Variants in TAFA1 observed in about 807,000 individuals in gnomAD.
The protein encoded by TAFA1 is chemokine-like protein TAFA-1.
Under a neutral mutation model 18.5 loss-of-function variants are expected in TAFA1, and 4 were observed. The ratio of observed to expected loss-of-function variants is 0.22; its 90% CI spans 0.11 to 0.49. TAFA1 has a LOEUF of 0.49. TAFA1 is among the 20% of genes least tolerant of loss of function. The probability of loss-of-function intolerance (pLI) is 0.98; values close to 1 mark genes in which losing one functional copy is unlikely to be tolerated. For missense variants in TAFA1, 147 were observed against 169.0 expected, an observed-to-expected ratio of 0.87 and a Z score of 0.72; for synonymous variants, 56 against 55.2, an observed-to-expected ratio of 1.01 and a Z score of -0.06.
At chr3:68,079,292 T>C (rs1232644084) in intron 2 of TAFA1, among the ~76,000 whole-genome samples, 16 of 152,130 alleles carry the variant, frequency 1.1e-4, no homozygotes, top group Non-Finnish European at 4.4e-5. Context: ...TTTTGAAGGG[T>C]TTTTTGTGTC....
intron 2 of TAFA1, among the ~76,000 whole-genome samples, chr3:68,144,559 A>G (rs970497501): frequency 6.6e-6 from 1 of 152,234 alleles, no homozygotes; most frequent in Non-Finnish European, 1.5e-5. Context: ...ATTTGTTAAT[A>G]TGATTGGACA....
rs1003927640 is a variant in TAFA1 at position 68,138,796 on chromosome 3, C to A, written c.118+132052C>A. Among the ~76,000 whole-genome samples, 11 of 152,300 alleles carry A rather than the reference C, an allele frequency of 7.2e-5. No individual in the cohort carries two copies. In the East Asian group the frequency reaches 1.4e-3, roughly 19 times the overall value. On this transcript the variant is annotated intron_variant, in intron 2 of 4. Transcript: ENST00000478136. ...TCAGTAATACTGGAAGTTGCCCTTG[C>A]TGTTTGCTACTCTTGATAGTTGGTT... is the stretch of plus-strand genomic sequence containing the variant.
At chr3:68,408,647 A>G (rs924788032) in intron 2 of TAFA1, among the ~76,000 whole-genome samples, 1 of 148,986 alleles carries the variant, frequency 6.7e-6, no homozygotes, top group Non-Finnish European at 1.5e-5. Context: ...CCTTCCTTTC[A>G]TTATTCAGTC....
In TAFA1 at chr3:68,259,208, C is replaced by G. The variant is rs2067359051; in HGVS notation, c.119-158072C>G. ...TTAATGACATCCTAACGAAATTATG[C>G]CATTAGGGATTTAACTGTGTATTCC... On this transcript the variant is annotated intron_variant, in intron 2 of 4. Coordinates refer to ENST00000478136, the MANE Select transcript of TAFA1 (RefSeq NM_213609.4). Among the ~76,000 whole-genome samples the G allele has an allele frequency of 2.0e-5, 3 of 152,096 alleles. No individual in the cohort carries two copies. In the South Asian group the frequency reaches 6.2e-4, roughly 31 times the overall value.
chr3:68,430,297 G>T (rs781557074), intron 3 of TAFA1, among the ~76,000 whole-genome samples: 34 of 151,920 alleles, frequency 2.2e-4, no homozygotes, highest in Admixed American at 9.9e-4. Flanking sequence ...AAGAGAGCAT[G>T]CAGAAAAGCC....
At chr3:68,096,489 G>T (rs1172959947) in intron 2 of TAFA1, among the ~76,000 whole-genome samples, 1 of 152,096 alleles carries the variant, frequency 6.6e-6, no homozygotes, top group Non-Finnish European at 1.5e-5. Flanking sequence ...TGACTTCAGA[G>T]AATTTCCTTT....
chr3:68,145,105 C>G (rs2065721639), intron 2 of TAFA1: 1 of 1,070,830 alleles, frequency 9.3e-7, no homozygotes, highest in Non-Finnish European at 1.5e-6. Context: ...TTGCTACACC[C>G]CCAGTGTATG....
chr3:68,334,473 T>C (rs527409229), intron 2 of TAFA1, among the ~76,000 whole-genome samples: 62 of 152,244 alleles, frequency 4.1e-4, no homozygotes, highest in South Asian at 3.9e-3. Flanking sequence ...TATATCTACA[T>C]TGGACAGTTA....
intron 2 of TAFA1, among the ~76,000 whole-genome samples, chr3:68,051,784 G>A (rs1339708334): frequency 6.6e-6 from 1 of 152,016 alleles, no homozygotes; most frequent in Non-Finnish European, 1.5e-5. Flanking sequence ...GTCAATTTAG[G>A]TGAGAAGTGT....
chr3:68,440,132 G>A (rs566101484), intron 3 of TAFA1, among the ~76,000 whole-genome samples: 106 of 152,122 alleles, frequency 7.0e-4, no homozygotes, highest in African/African-American at 2.4e-3. Context: ...AGTTATGGGG[G>A]CAGATCTTTC....
chr3:68,310,778 G>A (rs2068502147), intron 2 of TAFA1, among the ~76,000 whole-genome samples: 2 of 152,270 alleles, frequency 1.3e-5, no homozygotes, highest in Admixed American at 1.3e-4. Flanking sequence ...AGAAGCCAAT[G>A]TTAATGCTAA....
intron 2 of TAFA1, among the ~76,000 whole-genome samples, chr3:68,058,197 G>A (rs923440708): frequency 6.6e-6 from 1 of 152,118 alleles, no homozygotes; most frequent in Non-Finnish European, 1.5e-5. Context: ...TACTCGCTAT[G>A]TGGCCTTGAG....
At chr3:68,348,924 T>G (rs2106769701) in intron 2 of TAFA1, among the ~76,000 whole-genome samples, 1 of 152,112 alleles carries the variant, frequency 6.6e-6, no homozygotes, top group Middle Eastern at 3.4e-3. Flanking sequence ...AATGAATGGC[T>G]TTTAATAATT....
intron 2 of TAFA1, among the ~76,000 whole-genome samples, chr3:68,197,592 CTGG>C (rs1329192762): frequency 6.0e-5 from 9 of 151,076 alleles, no homozygotes. Context: ...TAATTGCTGG[CTGG>C]TGGTTGTATT....
intron 2 of TAFA1, among the ~76,000 whole-genome samples, chr3:68,049,457 ATTAT>A (rs2064438638): frequency 6.6e-6 from 1 of 151,946 alleles, no homozygotes; most frequent in South Asian, 2.1e-4. Flanking sequence ...AAAGAGAGTG[ATTAT>A]TTGTTTGTTT....
chr3:68,437,949 C>T (rs2071294575), intron 3 of TAFA1, among the ~76,000 whole-genome samples: 2 of 152,114 alleles, frequency 1.3e-5, no homozygotes, highest in Admixed American at 6.5e-5. Flanking sequence ...TTCCAAGACA[C>T]ACGGTGGGAG....
Position 68,165,291 on chromosome 3 carries a change from G to T in TAFA1, c.118+158547G>T, listed in dbSNP as rs372915646. 9.4e-4 allele frequency among the ~76,000 whole-genome samples: 143 copies of T among 152,236 alleles called. 3 individuals are homozygous for T. In the South Asian group the frequency reaches 0.029, roughly 30 times the overall value. Reference sequence around the variant, plus strand: ...ACTCCCAAAACCTTTTCTTTCACCAGCAAAACTGCCTAATAAGCAACTCCC... The same window carrying T: ...ACTCCCAAAACCTTTTCTTTCACCATCAAAACTGCCTAATAAGCAACTCCC... On this transcript the variant is annotated intron_variant, in intron 2 of 4. Coordinates refer to ENST00000478136, the MANE Select transcript of TAFA1 (RefSeq NM_213609.4).
At chr3:68,519,095 G>C (rs1457333449) in intron 3 of TAFA1, among the ~76,000 whole-genome samples, 2 of 152,208 alleles carry the variant, frequency 1.3e-5, no homozygotes, top group African/African-American at 4.8e-5. Flanking sequence ...TTAGAATATT[G>C]CTACTGTGGT....
intron 2 of TAFA1, among the ~76,000 whole-genome samples, chr3:68,369,179 T>TG (rs964144280): frequency 2.4e-4 from 36 of 149,828 alleles, no homozygotes; most frequent in African/African-American, 8.8e-4. Flanking sequence ...ACACTTATGT[T>TG]GGTGCAGGCA....
Sources: allele counts gnomAD v4.1 joint callset (sites outside exome capture counted in the v4.1 genomes callset), GRCh38; gene constraint gnomAD v4.1.1; transcripts MANE v1.5; gene names NCBI Gene and HGNC (gene_info 2026-07-23, HGNC 2026-07-21).